Variants in TRIP13 observed in about 807,000 individuals in gnomAD.
TRIP13 encodes the protein thyroid hormone receptor interactor 13, also known as pachytene checkpoint protein 2 homolog.
In TRIP13, 25 loss-of-function variants were observed where a neutral mutation model predicts 54.4. The ratio of observed to expected loss-of-function variants is 0.46; its 90% confidence interval spans 0.33 to 0.64. The LOEUF is 0.64. Among genes scored for constraint, TRIP13 ranks in the 30% least tolerant of loss-of-function variants. The pLI, the probability that TRIP13 is intolerant of heterozygous loss-of-function variation, is 0.02. For missense variants in TRIP13, 373 were observed against 534.2 expected, an observed-to-expected ratio of 0.70 and a Z score of 2.97; for synonymous variants, 207 against 207.8, an observed-to-expected ratio of 1.00 and a Z score of 0.03.
chr5:914,038 C>G (rs1223043948), intron 10 of TRIP13, among the ~76,000 whole-genome samples: 1 of 152,114 alleles, frequency 6.6e-6, no homozygotes, highest in Non-Finnish European at 1.5e-5. Context: ...AACAGACAAA[C>G]TAGGATCCTG....
Position 912,050 on chromosome 5 carries a change from A to G in TRIP13, c.1020+54A>G. ...ACAAATGGATTTCTTATATGTTCTT[A>G]ATTAATTAAGATAGCTTAAAATAAG... On this transcript the variant is annotated intron_variant, in intron 10 of 12. Coordinates refer to ENST00000166345, the MANE Select transcript of TRIP13 (RefSeq NM_004237.4). The surrounding 1 kb of genome is among the most constrained non-coding windows in gnomAD (Gnocchi z 7.2). The G allele has an allele frequency of 6.4e-7, 1 of 1,571,336 alleles. No homozygotes were observed. Among genetic ancestry groups the G allele is most frequent in the Non-Finnish European group, 8.6e-7 (1 of 1,161,544 alleles).
Position 903,155 on chromosome 5 carries a change from C to T in TRIP13, c.536-993C>T, listed in dbSNP as rs540158070. On this transcript the variant is annotated intron_variant, in intron 5 of 12. Transcript: ENST00000166345. ...ACTCCCCGGGGGAAAGGGAGACTCC[C>T]TTTCCCGGTCTGCTAAGTAGCAGGT... Among the ~76,000 whole-genome samples, 5 of 152,136 alleles carry T rather than the reference C, an allele frequency of 3.3e-5. No homozygotes were observed. In the South Asian group the frequency reaches 6.2e-4, roughly 19 times the overall value.
At chr5:903,854 G>A (rs560637877) in intron 5 of TRIP13, among the ~76,000 whole-genome samples, 12 of 152,294 alleles carry the variant, frequency 7.9e-5, no homozygotes, top group Admixed American at 5.9e-4. Context: ...GTTCATTCCC[G>A]ACGCTAAGTG....
chr5:906,516 T>C lies in TRIP13; in HGVS notation c.609-614T>C, dbSNP rs535488010. The stretch of plus-strand genomic sequence containing the variant: ...TGCCAGTGATGCTTCTTGAACGTAA[T>C]TCTTTTTCTTTTGTGGACTTTTGAC... On this transcript the variant is annotated intron_variant, in intron 6 of 12. Coordinates refer to ENST00000166345, the MANE Select transcript of TRIP13 (RefSeq NM_004237.4). 3.3e-5 allele frequency among the ~76,000 whole-genome samples: 5 copies of C among 152,344 alleles called. No homozygotes were observed. In the South Asian group the frequency reaches 1.0e-3, roughly 32 times the overall value.
chr5:901,131 A>G (rs941782488), intron 4 of TRIP13, among the ~76,000 whole-genome samples: 1 of 152,176 alleles, frequency 6.6e-6, no homozygotes, highest in Non-Finnish European at 1.5e-5. Context: ...TATATTTATA[A>G]TAGTAATAGC....
rs1295603308 is a variant in TRIP13 at position 907,288 on chromosome 5, G to T, written c.672+95G>T. 9.0e-7 allele frequency: 1 copy of T among 1,110,442 alleles called. No individual in the cohort carries two copies. Among genetic ancestry groups the T allele is most frequent in the Non-Finnish European group, 1.3e-6 (1 of 747,238 alleles). 68.8% of individuals were successfully genotyped at this position (1,110,442 alleles called of 1,614,324 possible). On this transcript the variant is annotated intron_variant, in intron 7 of 12. Coordinates refer to ENST00000166345, the MANE Select transcript of TRIP13 (RefSeq NM_004237.4). This position sits in a 1 kb window ranked among gnomAD's most constrained non-coding sequence, Gnocchi z 4.1. The stretch of plus-strand genomic sequence containing the variant: ...ATCCTCCTCCAGAAGCTTCAGGAGA[G>T]AACTGGGTGGGAAGGGTGTGTGAGG...
In TRIP13 at chr5:915,854, A is replaced by T. The variant is rs755014149; in HGVS notation, c.1134-50A>T. ...GCCAATGAGGAAAATTAGTCCTGAA[A>T]CGTGTGATTGTATAAATTGCTGTCT... On this transcript the variant is annotated intron_variant, in intron 11 of 12. Transcript: ENST00000166345. This position sits in a 1 kb window ranked among gnomAD's most constrained non-coding sequence, Gnocchi z 4.2. The T allele has an allele frequency of 6.2e-7, 1 of 1,600,660 alleles. No homozygotes were observed. The highest frequency in any genetic ancestry group is 1.7e-5 in the Admixed American group (1 of 59,990).
chr5:908,831 G>A lies in TRIP13; in HGVS notation c.866+370G>A, dbSNP rs1335343800. 10 of 301,156 alleles carry A rather than the reference G, an allele frequency of 3.3e-5. 1 individual carries two copies. Among genetic ancestry groups the A allele is most frequent in the South Asian group, 3.2e-4 (6 of 18,942 alleles). The allele number at this position is 301,156 out of a possible 1,614,324, so 18.7% of individuals were successfully genotyped here. On this transcript the variant is annotated intron_variant, in intron 9 of 12. Coordinates refer to ENST00000166345, the MANE Select transcript of TRIP13 (RefSeq NM_004237.4). The surrounding 1 kb of genome is among the most constrained non-coding windows in gnomAD (Gnocchi z 5.2). Reference sequence around the variant, plus strand: ...AAATTAGCTGGGCATGATGGCGGGCGCCTGTAGTCCCAGCTACTCTGGAGG... The same window carrying A: ...AAATTAGCTGGGCATGATGGCGGGCACCTGTAGTCCCAGCTACTCTGGAGG...
intron 4 of TRIP13, 45 bp from the exon 5 acceptor site, chr5:901,295 TG>T (rs1753983064): frequency 1.9e-6 from 3 of 1,587,644 alleles, no homozygotes; most frequent in African/African-American, 1.3e-5. Context: ...TGGGGACCTT[TG>T]CCTTGTTGGT....
In TRIP13 at chr5:912,023, ATACAAATGGATTTCT is replaced by A; in HGVS notation, c.1020+30_1020+44del. 2 of 1,594,464 alleles carry A rather than the reference ATACAAATGGATTTCT, an allele frequency of 1.3e-6. No homozygotes were observed. Among genetic ancestry groups the A allele is most frequent in the Non-Finnish European group, 1.7e-6 (2 of 1,173,522 alleles). Reference sequence around the variant, plus strand: ...TACCTTTATTTTTTTTTTCCTCTTGATACAAATGGATTTCTTATATGTTCTTAATTAATTAAGATA... The same window carrying A: ...TACCTTTATTTTTTTTTTCCTCTTGATATATGTTCTTAATTAATTAAGATA... On this transcript the variant is annotated intron_variant, in intron 10 of 12. Coordinates refer to ENST00000166345, the MANE Select transcript of TRIP13 (RefSeq NM_004237.4). The surrounding 1 kb of genome is among the most constrained non-coding windows in gnomAD (Gnocchi z 7.2).
At chr5:895,427 G>A (rs779320320) in intron 2 of TRIP13, among the ~76,000 whole-genome samples, 4 of 152,148 alleles carry the variant, frequency 2.6e-5, no homozygotes, top group African/African-American at 7.2e-5. Flanking sequence ...GTGTGAGGGC[G>A]TGGAGGCATT....
At position 915,889 on chromosome 5, in the gene TRIP13, G is replaced by A. The variant is rs959498695; in HGVS notation, c.1134-15G>A. 6.2e-7 allele frequency: 1 copy of A among 1,614,012 alleles called. No individual in the cohort carries two copies. The highest frequency in any genetic ancestry group is 8.5e-7 in the Non-Finnish European group (1 of 1,179,920). ...GTATAAATTGCTGTCTCTGAACTGG[G>A]TTTTCTTTACACAGGAAGAGCGAGG... On this transcript the variant is annotated splice_polypyrimidine_tract_variant and intron_variant, in intron 11 of 12. Transcript: ENST00000166345. The surrounding 1 kb of genome is among the most constrained non-coding windows in gnomAD (Gnocchi z 4.2).
At chr5:918,491 C>T (rs1053302649), downstream of TRIP13, among the ~76,000 whole-genome samples, 22 of 152,128 alleles carry the variant, frequency 1.4e-4, no homozygotes, top group Admixed American at 6.5e-5. This position sits in a 1 kb window ranked among gnomAD's most constrained non-coding sequence, Gnocchi z 4.3. Context: ...CTCACAAGTT[C>T]TTCAAGAAAC....
chr5:895,368 G>C (rs960051025), intron 2 of TRIP13, among the ~76,000 whole-genome samples: 20 of 152,118 alleles, frequency 1.3e-4, no homozygotes, highest in African/African-American at 4.8e-4. Context: ...CCCATGCATG[G>C]CCACCTCACC....
intron 2 of TRIP13, 79 bp from the exon 3 acceptor site, chr5:896,586 C>T (rs1433675615): frequency 1.2e-5 from 17 of 1,466,872 alleles, no homozygotes; most frequent in African/African-American, 1.4e-5. Context: ...TATTTGTAGA[C>T]CTTAACATCT....
rs996544033 is a variant in TRIP13 at position 903,955 on chromosome 5, AAG to A, written c.536-190_536-189del. On this transcript the variant is annotated intron_variant, in intron 5 of 12. Coordinates refer to ENST00000166345, the MANE Select transcript of TRIP13 (RefSeq NM_004237.4). The stretch of plus-strand genomic sequence containing the variant: ...AATACGAAGTTGAGTACAAATAAGA[AAG>A]AGGGGGAGACGTAAGTGTATTGGTA... Among the ~76,000 whole-genome samples the A allele has an allele frequency of 6.8e-4, 103 of 152,308 alleles. 2 individuals carry two copies. Among genetic ancestry groups the A allele is most frequent in the African/African-American group, 2.3e-3 (97 of 41,558 alleles).
At position 894,863 on chromosome 5, in the gene TRIP13, A is replaced by G. The variant is rs758356584; in HGVS notation, c.169A>G (p.Thr57Ala). 6.2e-7 allele frequency: 1 copy of G among 1,614,112 alleles called. No homozygotes were observed. The highest frequency in any genetic ancestry group is 1.7e-5 in the Admixed American group (1 of 60,024). Residue 57 changes from threonine (T) to alanine (A), a missense_variant, in exon 2 of 13, where the codon ACA becomes GCA. This residue lies in a region of TRIP13 where 151 missense variants were observed against 151.9 expected (regional missense o/e 0.99). Transcript: ENST00000166345. ...ACATAATATTGTGTTTGGTGATTACACATGGACTGAGTTTGATGAACCTTT... is the reference window on the plus strand; with the variant it reads ...ACATAATATTGTGTTTGGTGATTACGCATGGACTGAGTTTGATGAACCTTT... ...NRHNIVFGDY[T>A]WTEFDEPFLT...
rs1437178628 is a variant in TRIP13 at position 893,193 on chromosome 5, AC to A, written c.92+107del. 10 of 1,146,682 alleles carry A rather than the reference AC, an allele frequency of 8.7e-6. No homozygotes were observed. The East Asian group carries it at 2.4e-4, about 27-fold the overall frequency. 71.0% of individuals were successfully genotyped at this position (1,146,682 alleles called of 1,614,324 possible). ...AGCGCACTGATTCTGATGCGACCGA[AC>A]CCCAGGGTACTGATCCGGCCCGACT... is the stretch of plus-strand genomic sequence containing the variant. On this transcript the variant is annotated intron_variant, in intron 1 of 12. Transcript: ENST00000166345.
rs1317877783 is a variant in TRIP13 at position 915,884 on chromosome 5, A to C, written c.1134-20A>C. 6.2e-7 allele frequency: 1 copy of C among 1,613,830 alleles called. No homozygotes were observed. On this transcript the variant is annotated intron_variant, in intron 11 of 12. Coordinates refer to ENST00000166345, the MANE Select transcript of TRIP13 (RefSeq NM_004237.4). The surrounding 1 kb of genome is among the most constrained non-coding windows in gnomAD (Gnocchi z 4.2). ...TGATTGTATAAATTGCTGTCTCTGA[A>C]CTGGGTTTTCTTTACACAGGAAGAG...
Sources: allele counts gnomAD v4.1 joint callset (sites outside exome capture counted in the v4.1 genomes callset), GRCh38; gene constraint gnomAD v4.1.1; regional missense constraint gnomAD v4.1.1; non-coding constraint Gnocchi (gnomAD v3.1); transcripts MANE v1.5; gene names NCBI Gene and HGNC (gene_info 2026-07-23, HGNC 2026-07-21).